Variants in DGKB observed in about 807,000 individuals in gnomAD.
The protein encoded by DGKB is 90 kDa diacylglycerol kinase.
In DGKB, 67 loss-of-function variants were observed where a neutral mutation model predicts 114.3. The ratio of observed to expected loss-of-function variants is 0.59; its 90% confidence interval spans 0.48 to 0.72. The LOEUF is 0.72. Ranked by LOEUF, DGKB falls within the 30% of genes least tolerant of loss-of-function variation. DGKB has a pLI of 0.00. For missense variants in DGKB, 907 were observed against 975.2 expected (o/e 0.93, Z 0.93); for synonymous variants, 398 against 323.1 (o/e 1.23, Z -2.49).
intron 23 of DGKB, among the ~76,000 whole-genome samples, chr7:14,327,271 T>C (rs568999587): frequency 1.1e-4 from 16 of 152,050 alleles, no homozygotes; most frequent in African/African-American, 3.9e-4. Context: ...AGATAACATA[T>C]ATAAAATATT....
intron 2 of DGKB, among the ~76,000 whole-genome samples, chr7:14,761,992 A>G (rs1442936541): frequency 6.6e-6 from 1 of 152,160 alleles, no homozygotes; most frequent in Admixed American, 6.6e-5. Flanking sequence ...AGAGGTTCCT[A>G]TGCTTGGCTT....
intron 1 of DGKB, among the ~76,000 whole-genome samples, chr7:14,908,799 C>G (rs894259300): frequency 3.3e-5 from 5 of 152,094 alleles, no homozygotes; most frequent in African/African-American, 1.2e-4. Flanking sequence ...CAGTATGCAT[C>G]AAAATGCATA....
chr7:14,472,271 C>T (rs895073561), intron 21 of DGKB, among the ~76,000 whole-genome samples: 3 of 152,134 alleles, frequency 2.0e-5, no homozygotes, highest in African/African-American at 7.2e-5. Flanking sequence ...GGAGGCAGGT[C>T]TTTCCCATGC....
intron 1 of DGKB, among the ~76,000 whole-genome samples, chr7:14,851,614 T>A (rs1340031786): frequency 6.6e-6 from 1 of 152,176 alleles, no homozygotes; most frequent in Non-Finnish European, 1.5e-5. Context: ...CTATGGCTTC[T>A]CCCCTTGCAC....
chr7:14,764,613 G>A (rs1181610602), intron 2 of DGKB, among the ~76,000 whole-genome samples: 1 of 151,884 alleles, frequency 6.6e-6, no homozygotes, highest in East Asian at 1.9e-4. Context: ...CTTATATGCA[G>A]CTGAGATGGA....
chr7:14,208,133 CT>C (rs1190385730), intron 23 of DGKB, among the ~76,000 whole-genome samples: 1 of 151,988 alleles, frequency 6.6e-6, no homozygotes, highest in African/African-American at 2.4e-5. Flanking sequence ...GTATAAGCAC[CT>C]GTCTCTCCAG....
intron 13 of DGKB, among the ~76,000 whole-genome samples, chr7:14,664,551 C>T (rs1817692436): frequency 6.6e-6 from 1 of 152,050 alleles, no homozygotes. Flanking sequence ...CACCCTTACA[C>T]ATGCCCTTTA....
At position 14,211,339 on chromosome 7, in the gene DGKB, T is replaced by TATTTACTCTCATGTTTTGTGATA. The variant is rs34841515; in HGVS notation, c.2123-33189_2123-33188insTATCACAAAACATGAGAGTAAAT. On this transcript the variant is annotated intron_variant, in intron 23 of 25. Transcript: ENST00000402815. ...TGATATTTACTCTCATGTTTTGTGATTTTACTCTCATGTTTTGTGATATTT... is the reference window on the plus strand; with the variant it reads ...TGATATTTACTCTCATGTTTTGTGATATTTACTCTCATGTTTTGTGATATTTACTCTCATGTTTTGTGATATTT... 1.8e-3 allele frequency among the ~76,000 whole-genome samples: 95 copies of TATTTACTCTCATGTTTTGTGATA among 52,200 alleles called. 4 individuals are homozygous for TATTTACTCTCATGTTTTGTGATA. Among genetic ancestry groups the TATTTACTCTCATGTTTTGTGATA allele is most frequent in the Admixed American group, 2.4e-3 (12 of 5,076 alleles). 34.2% of individuals were successfully genotyped at this position (52,200 alleles called of 152,430 possible). A position where few individuals can be genotyped will look rare whatever the true frequency, so the allele number is the denominator to read the frequency against.
At chr7:14,917,661 C>A (rs1207539405) in intron 1 of DGKB, among the ~76,000 whole-genome samples, 1 of 151,790 alleles carries the variant, frequency 6.6e-6, no homozygotes, top group Non-Finnish European at 1.5e-5. Flanking sequence ...ACACCATTCC[C>A]AGACAGTTTC....
chr7:14,449,442 G>A (rs757972171), intron 21 of DGKB, among the ~76,000 whole-genome samples: 4 of 151,804 alleles, frequency 2.6e-5, no homozygotes, highest in South Asian at 2.1e-4. Flanking sequence ...TGTATCATTC[G>A]CCCACTCAAG....
Position 14,596,221 on chromosome 7 carries a change from A to C in DGKB, c.1433+11213T>G, listed in dbSNP as rs548227327. 3.3e-5 allele frequency among the ~76,000 whole-genome samples: 5 copies of C among 152,322 alleles called. No individual in the cohort carries two copies. The East Asian group carries it at 7.7e-4, about 23-fold the overall frequency. On this transcript the variant is annotated intron_variant, in intron 17 of 25. Transcript: ENST00000402815. ...TATCATGTAACTTTCATCAATAATA[A>C]AAATTTAAAATTGTTTATACTGCAT... is the stretch of plus-strand genomic sequence containing the variant.
intron 20 of DGKB, among the ~76,000 whole-genome samples, chr7:14,487,826 T>G (rs1244263286): frequency 1.3e-5 from 2 of 151,808 alleles, no homozygotes; most frequent in African/African-American, 4.8e-5. Context: ...TTGTCCAGGC[T>G]ACTCTCCAAC....
intron 23 of DGKB, among the ~76,000 whole-genome samples, chr7:14,284,659 C>CATCA (rs1310299117): frequency 1.3e-5 from 2 of 149,514 alleles, no homozygotes; most frequent in Non-Finnish European, 1.5e-5. Context: ...GGCACATATA[C>CATCA]ATCATGGAAT....
chr7:14,377,745 T>C, intron 21 of DGKB, among the ~76,000 whole-genome samples: 1 of 152,184 alleles, frequency 6.6e-6, no homozygotes, highest in East Asian at 1.9e-4. Context: ...CCATGTAGCT[T>C]ACTTTGGCTA....
chr7:14,335,447 G>A (rs984137571), intron 23 of DGKB, among the ~76,000 whole-genome samples: 7 of 151,938 alleles, frequency 4.6e-5, no homozygotes, highest in Non-Finnish European at 1.0e-4. Flanking sequence ...TATTTCAACA[G>A]TGTAAAAATT....
intron 23 of DGKB, among the ~76,000 whole-genome samples, chr7:14,257,830 A>C (rs1584768771): frequency 6.6e-6 from 1 of 152,032 alleles, no homozygotes; most frequent in African/African-American, 2.4e-5. Context: ...GGGTTCAAGC[A>C]ATTCTCCTGT....
intron 23 of DGKB, among the ~76,000 whole-genome samples, chr7:14,302,520 C>T (rs1803734362): frequency 6.6e-6 from 1 of 152,028 alleles, no homozygotes; most frequent in South Asian, 2.1e-4. Context: ...TGCCCCCGGC[C>T]CCATTGCTCG....
At chr7:14,884,869 A>T (rs866820588) in intron 1 of DGKB, among the ~76,000 whole-genome samples, 4 of 152,034 alleles carry the variant, frequency 2.6e-5, no homozygotes, top group African/African-American at 9.7e-5. Context: ...ATGATTAGAT[A>T]TCTCTGAGTG....
chr7:14,377,572 A>G (rs1427318690), intron 21 of DGKB, among the ~76,000 whole-genome samples: 1 of 152,212 alleles, frequency 6.6e-6, no homozygotes, highest in Non-Finnish European at 1.5e-5. Context: ...AACACTTGAT[A>G]AGTGATTTTA....
Sources: allele counts gnomAD v4.1 joint callset (sites outside exome capture counted in the v4.1 genomes callset), GRCh38; gene constraint gnomAD v4.1.1; transcripts MANE v1.5; gene names NCBI Gene and HGNC (gene_info 2026-07-23, HGNC 2026-07-21).